The following IMMP2L variants were observed in gnomAD, a reference collection of about 807,000 sequenced individuals.
The protein encoded by IMMP2L is inner mitochondrial membrane peptidase subunit 2, also known as mitochondrial inner membrane protease subunit 2.
Under a neutral mutation model 19.3 loss-of-function variants are expected in IMMP2L, and 18 were observed. The ratio of observed to expected loss-of-function variants is 0.93; its 90% CI spans 0.64 to 1.38. The LOEUF is 1.38. Among genes scored for constraint, IMMP2L ranks in the 40% most tolerant of loss-of-function variants. IMMP2L has a pLI of 0.00. For missense variants in IMMP2L, 233 were observed against 218.2 expected, an observed-to-expected ratio of 1.07 and a Z score of -0.43; for synonymous variants, 76 against 73.0, an observed-to-expected ratio of 1.04 and a Z score of -0.21.
At chr7:110,884,745 A>G (rs1218147640) in intron 5 of IMMP2L, among the ~76,000 whole-genome samples, 1 of 152,072 alleles carries the variant, frequency 6.6e-6, no homozygotes, top group Non-Finnish European at 1.5e-5. Context: ...AACATTTCCA[A>G]TCTGTTTATT....
chr7:110,995,627 G>C (rs1822948419), intron 3 of IMMP2L, among the ~76,000 whole-genome samples: 2 of 152,024 alleles, frequency 1.3e-5, no homozygotes, highest in South Asian at 4.1e-4. Flanking sequence ...GTTCTTTCTG[G>C]TACAAGCTTG....
rs573529359 is a variant in IMMP2L at position 110,883,177 on chromosome 7, C to T, written c.408+3416G>A. On this transcript the variant is annotated intron_variant, in intron 5 of 5. Transcript: ENST00000405709. ...TAAAGACATAAACTTTACTTTTCTA[C>T]TTTACTTTTCACTGGTTTTTAAAAC... Among the ~76,000 whole-genome samples the T allele has an allele frequency of 2.8e-4, 42 of 152,226 alleles. No homozygotes were observed. The South Asian group carries it at 7.5e-3, about 27-fold the overall frequency.
At chr7:111,365,695 G>A (rs1311130567) in intron 3 of IMMP2L, among the ~76,000 whole-genome samples, 2 of 152,122 alleles carry the variant, frequency 1.3e-5, no homozygotes, top group South Asian at 4.1e-4. Context: ...TGTTGAAACC[G>A]ATTTTTATGA....
At chr7:111,203,586 T>TTC (rs1491518386) in intron 3 of IMMP2L, among the ~76,000 whole-genome samples, 10 of 147,976 alleles carry the variant, frequency 6.8e-5, no homozygotes, top group Admixed American at 5.4e-4. Context: ...TTTTTTTTTT[T>TTC]CAATTAAAAC....
chr7:111,184,585 AC>A (rs909577769), intron 3 of IMMP2L, among the ~76,000 whole-genome samples: 1 of 152,098 alleles, frequency 6.6e-6, no homozygotes, highest in African/African-American at 2.4e-5. Context: ...AGCAACCAGT[AC>A]TACAAAAGCA....
chr7:111,433,020 G>A lies in IMMP2L; in HGVS notation c.239+54218C>T, dbSNP rs142544043. 9.2e-5 allele frequency among the ~76,000 whole-genome samples: 14 copies of A among 151,598 alleles called. 1 individual carries two copies. In the East Asian group the frequency reaches 2.7e-3, roughly 29 times the overall value. ...TAACAAAGAAGGTGAACTATCTGTT[G>A]TATTAGTCAATTCTCATGCTGCTAT... On this transcript the variant is annotated intron_variant, in intron 3 of 5. Coordinates refer to ENST00000405709, the MANE Select transcript of IMMP2L (RefSeq NM_032549.4).
intron 3 of IMMP2L, among the ~76,000 whole-genome samples, chr7:111,241,771 T>C (rs925362042): frequency 3.3e-5 from 5 of 151,596 alleles, no homozygotes; most frequent in South Asian, 2.1e-4. Flanking sequence ...AAGGAAGAAA[T>C]TACCAGATTT....
intron 3 of IMMP2L, among the ~76,000 whole-genome samples, chr7:111,088,715 C>G (rs573071346): frequency 7.2e-5 from 11 of 152,224 alleles, no homozygotes; most frequent in African/African-American, 2.4e-4. Context: ...TACAATGTAA[C>G]GTCTTCATAT....
intron 2 of IMMP2L, among the ~76,000 whole-genome samples, chr7:111,505,453 A>G (rs1415987198): frequency 6.6e-6 from 1 of 152,040 alleles, no homozygotes; most frequent in African/African-American, 2.4e-5. Flanking sequence ...ATACCATTTG[A>G]CCCAGCCATC....
At chr7:110,858,458 C>G (rs570055667) in intron 5 of IMMP2L, among the ~76,000 whole-genome samples, 5 of 152,152 alleles carry the variant, frequency 3.3e-5, no homozygotes, top group African/African-American at 1.2e-4. Context: ...TAACCACGTA[C>G]CAGTTTGAAA....
chr7:111,489,192 T>C (rs1416966771), intron 2 of IMMP2L, among the ~76,000 whole-genome samples: 2 of 151,920 alleles, frequency 1.3e-5, no homozygotes, highest in East Asian at 1.9e-4. Context: ...TAGAGGCGCC[T>C]GCCATCACGC....
chr7:111,393,411 T>G (rs1453485142), intron 3 of IMMP2L, among the ~76,000 whole-genome samples: 1 of 152,104 alleles, frequency 6.6e-6, no homozygotes, highest in Admixed American at 6.5e-5. Context: ...ACTTGTCCCA[T>G]TTCTCTTTCC....
At chr7:110,826,447 T>C (rs938196505) in intron 5 of IMMP2L, among the ~76,000 whole-genome samples, 2 of 152,096 alleles carry the variant, frequency 1.3e-5, no homozygotes, top group African/African-American at 4.8e-5. Context: ...CAAATGTCCA[T>C]CAATGATAGA....
chr7:111,061,601 C>T (rs1052381181), intron 3 of IMMP2L, among the ~76,000 whole-genome samples: 2 of 152,144 alleles, frequency 1.3e-5, no homozygotes, highest in African/African-American at 4.8e-5. Flanking sequence ...CTCAAGTCCA[C>T]AGGTTCTTCA....
At chr7:110,890,190 G>A (rs551182349) in intron 4 of IMMP2L, among the ~76,000 whole-genome samples, 131 of 151,818 alleles carry the variant, frequency 8.6e-4, no homozygotes, top group Non-Finnish European at 1.6e-3. Context: ...TTGCTCCTAC[G>A]TCCTTCTGGG....
At chr7:110,841,002 C>G (rs1254521350) in intron 5 of IMMP2L, among the ~76,000 whole-genome samples, 1 of 151,930 alleles carries the variant, frequency 6.6e-6, no homozygotes, top group Admixed American at 6.6e-5. Context: ...ACTAGGGTTT[C>G]ATAAAAGGAT....
Position 110,757,899 on chromosome 7 carries a change from T to C in IMMP2L, c.409-94178A>G, listed in dbSNP as rs963902654. ...TTTGGAGGAAGAGAATTTCAGGCAC[T>C]GGAAATAGCCGAGGGGAAGGTGGTA... On this transcript the variant is annotated intron_variant, in intron 5 of 5. Transcript: ENST00000405709. The surrounding 1 kb of genome is among the most constrained non-coding windows in gnomAD (Gnocchi z 4.2). Among the ~76,000 whole-genome samples the C allele has an allele frequency of 6.6e-5, 10 of 151,996 alleles. No homozygotes were observed. Among genetic ancestry groups the C allele is most frequent in the African/African-American group, 2.2e-4 (9 of 41,400 alleles).
chr7:110,973,470 C>T (rs923794378), intron 3 of IMMP2L, among the ~76,000 whole-genome samples: 2 of 152,052 alleles, frequency 1.3e-5, no homozygotes, highest in Non-Finnish European at 2.9e-5. Flanking sequence ...TGACTGTACA[C>T]AGTCAGCAAT....
intron 4 of IMMP2L, among the ~76,000 whole-genome samples, chr7:110,903,871 C>T (rs1208696769): frequency 6.6e-6 from 1 of 152,006 alleles, no homozygotes; most frequent in South Asian, 2.1e-4. Flanking sequence ...AATTTCTCCA[C>T]GCCTTCACCA....
Sources: allele counts gnomAD v4.1 joint callset (sites outside exome capture counted in the v4.1 genomes callset), GRCh38; gene constraint gnomAD v4.1.1; non-coding constraint Gnocchi (gnomAD v3.1); transcripts MANE v1.5; gene names NCBI Gene and HGNC (gene_info 2026-07-23, HGNC 2026-07-21).